ITGBL1: variants seen among roughly 807,000 people sequenced by gnomAD.
ITGBL1 encodes integrin subunit beta like 1.
In ITGBL1, 51 loss-of-function variants were observed where a neutral mutation model predicts 68.5. The ratio of observed to expected loss-of-function variants is 0.74; its 90% CI spans 0.59 to 0.94. ITGBL1 has a LOEUF of 0.94. Ranked by LOEUF, ITGBL1 falls within the 40% of genes least tolerant of loss-of-function variation. The pLI, the probability that ITGBL1 is intolerant of heterozygous loss-of-function variation, is 0.00. For synonymous variants in ITGBL1, 209 were observed against 227.3 expected (o/e 0.92, Z 0.72); for missense variants, 649 against 647.4 (o/e 1.00, Z -0.03).
At chr13:101,576,810 C>T (rs1284914764) in intron 4 of ITGBL1, among the ~76,000 whole-genome samples, 1 of 152,044 alleles carries the variant, frequency 6.6e-6, no homozygotes, top group Admixed American at 6.6e-5. Flanking sequence ...TTCATTTTTC[C>T]GAGCCAATGA....
chr13:101,567,509 A>C (rs2050200172), intron 2 of ITGBL1, among the ~76,000 whole-genome samples, 190 bp from the exon 3 acceptor site: 1 of 152,180 alleles, frequency 6.6e-6, no homozygotes, highest in East Asian at 1.9e-4. Flanking sequence ...TCGGTTGACT[A>C]TTGAAATAAA....
intron 2 of ITGBL1, among the ~76,000 whole-genome samples, chr13:101,558,452 C>A (rs1396154496): frequency 6.6e-6 from 1 of 152,098 alleles, no homozygotes; most frequent in Non-Finnish European, 1.5e-5. Flanking sequence ...ACTGCTACCC[C>A]CTGAATCTAA....
intron 3 of ITGBL1, among the ~76,000 whole-genome samples, chr13:101,573,363 C>G (rs1351606888): frequency 1.3e-5 from 2 of 152,068 alleles, no homozygotes; most frequent in East Asian, 3.9e-4. Context: ...TGCAAAATCA[C>G]CATTTATATG....
At chr13:101,523,895 TG>T (rs2049327973) in intron 2 of ITGBL1, among the ~76,000 whole-genome samples, 1 of 152,162 alleles carries the variant, frequency 6.6e-6, no homozygotes, top group Non-Finnish European at 1.5e-5. Context: ...GCAACTGCTG[TG>T]TGGTCCAGGA....
At chr13:101,697,444 A>C (rs2034028457) in intron 8 of ITGBL1, among the ~76,000 whole-genome samples, 1 of 152,152 alleles carries the variant, frequency 6.6e-6, no homozygotes, top group Non-Finnish European at 1.5e-5. Context: ...TGGTATCCTC[A>C]GTTGCTTTAA....
intron 6 of ITGBL1, among the ~76,000 whole-genome samples, chr13:101,592,379 A>G (rs756254361): frequency 1.8e-4 from 27 of 152,154 alleles, no homozygotes; most frequent in Admixed American, 9.2e-4. Context: ...GAAGTAACCA[A>G]AACAGAAATT....
chr13:101,670,415 A>G (rs2033328708), intron 7 of ITGBL1, among the ~76,000 whole-genome samples: 1 of 152,160 alleles, frequency 6.6e-6, no homozygotes, highest in Admixed American at 6.6e-5. Context: ...AGAAACAAAA[A>G]TTTTGTGTTT....
At chr13:101,521,537 C>G (rs7323806) in intron 2 of ITGBL1, among the ~76,000 whole-genome samples, 115,981 of 151,914 alleles carry the variant, frequency 0.76, 44,597 homozygotes, top group African/African-American at 0.86. Context: ...GATCTGGACC[C>G]AAGGGAATGA....
chr13:101,577,614 T>C (rs1349051825), intron 4 of ITGBL1, among the ~76,000 whole-genome samples: 1 of 152,210 alleles, frequency 6.6e-6, no homozygotes, highest in African/African-American at 2.4e-5. Flanking sequence ...ATAGTAATCC[T>C]TACTTATGTT....
At chr13:101,575,823 C>T (rs1044822436) in intron 4 of ITGBL1, among the ~76,000 whole-genome samples, 1 of 152,058 alleles carries the variant, frequency 6.6e-6, no homozygotes, top group Admixed American at 6.6e-5. Flanking sequence ...AGTAGAATAC[C>T]ATCTCCTCTG....
intron 7 of ITGBL1, among the ~76,000 whole-genome samples, chr13:101,671,939 T>G (rs2033388960): frequency 6.6e-6 from 1 of 152,170 alleles, no homozygotes. Flanking sequence ...TTGACTGAGA[T>G]GTGATATTTA....
intron 9 of ITGBL1, among the ~76,000 whole-genome samples, chr13:101,709,087 C>G (rs540893518): frequency 1.3e-5 from 2 of 152,090 alleles, no homozygotes; most frequent in African/African-American, 4.8e-5. Context: ...AGCAGGAGGC[C>G]GGGCGCGGTG....
At position 101,661,148 on chromosome 13, in the gene ITGBL1, T is replaced by C. The variant is rs1379821677; in HGVS notation, c.1016-31437T>C. On this transcript the variant is annotated intron_variant, in intron 7 of 10. Transcript: ENST00000376180. ...CATAGTAAAAAAAAAAATGGCAAGG[T>C]GGGTAATTGGACAATATCCAGTCTA... is the stretch of plus-strand genomic sequence containing the variant. Among the ~76,000 whole-genome samples, 3 of 150,696 alleles carry C rather than the reference T, an allele frequency of 2.0e-5. No individual in the cohort carries two copies. In the South Asian group the frequency reaches 6.3e-4, roughly 32 times the overall value.
chr13:101,521,983 C>CA (rs375753753), intron 2 of ITGBL1, among the ~76,000 whole-genome samples: 7 of 151,534 alleles, frequency 4.6e-5, no homozygotes, highest in African/African-American at 1.5e-4. Flanking sequence ...GCTGTGACGG[C>CA]AACATGGTCT....
intron 6 of ITGBL1, among the ~76,000 whole-genome samples, chr13:101,597,388 G>A (rs1482852305): frequency 2.8e-5 from 4 of 142,626 alleles, no homozygotes; most frequent in South Asian, 2.2e-4. Flanking sequence ...TGAGAAAGGA[G>A]CGTTTATATA....
At chr13:101,536,347 A>G (rs1407610804) in intron 2 of ITGBL1, among the ~76,000 whole-genome samples, 1 of 151,968 alleles carries the variant, frequency 6.6e-6, no homozygotes, top group East Asian at 1.9e-4. Context: ...AACAACAACT[A>G]TTTTCACCAG....
At chr13:101,557,341 T>C (rs1342300296) in intron 2 of ITGBL1, among the ~76,000 whole-genome samples, 1 of 152,236 alleles carries the variant, frequency 6.6e-6, no homozygotes, top group African/African-American at 2.4e-5. Flanking sequence ...CTGATCTCCT[T>C]GGCATATGCT....
chr13:101,461,679 A>C (rs1482777129), intron 2 of ITGBL1, among the ~76,000 whole-genome samples: 1 of 152,184 alleles, frequency 6.6e-6, no homozygotes, highest in African/African-American at 2.4e-5. Context: ...TAGGTGAGAG[A>C]ATTAGACCCT....
At chr13:101,679,805 G>A (rs1458188726) in intron 7 of ITGBL1, among the ~76,000 whole-genome samples, 1 of 152,112 alleles carries the variant, frequency 6.6e-6, no homozygotes, top group African/African-American at 2.4e-5. Flanking sequence ...CTATGGTTTG[G>A]AAAACCTTTA....
Sources: allele counts gnomAD v4.1 joint callset (sites outside exome capture counted in the v4.1 genomes callset), GRCh38; gene constraint gnomAD v4.1.1; transcripts MANE v1.5; gene names NCBI Gene and HGNC (gene_info 2026-07-23, HGNC 2026-07-21).